ACP7: variants seen among roughly 807,000 people sequenced by gnomAD.
ACP7 encodes acid phosphatase type 7.
Under a neutral mutation model 60.6 loss-of-function variants are expected in ACP7, and 58 were observed. That is an observed-to-expected ratio of 0.96 (90% CI 0.77 to 1.19). The LOEUF (loss-of-function observed/expected upper bound fraction) is 1.19. Ranked by LOEUF, ACP7 falls within the 50% of genes most tolerant of loss-of-function variation. The pLI is 0.00. For synonymous variants in ACP7, 237 were observed against 232.6 expected (o/e 1.02, Z -0.17); for missense variants, 574 against 596.2 (o/e 0.96, Z 0.39).
At chr19:39,103,452 T>TTTTTGTTTG (rs1202136828) in intron 11 of ACP7, among the ~76,000 whole-genome samples, 26 of 147,486 alleles carry the variant, frequency 1.8e-4, no homozygotes, top group African/African-American at 6.3e-4. Context: ...TTTTTTTTTT[T>TTTTTGTTTG]TTTTTTTTTT....
At chr19:39,099,448 T>C (rs1046598406) in intron 4 of ACP7, among the ~76,000 whole-genome samples, 9 of 152,198 alleles carry the variant, frequency 5.9e-5, no homozygotes, top group African/African-American at 1.9e-4. Context: ...TTGTGATGAC[T>C]ACGTTAGTTC....
chr19:39,105,311 G>A (rs142860846), intron 11 of ACP7, among the ~76,000 whole-genome samples: 20 of 151,974 alleles, frequency 1.3e-4, no homozygotes, highest in African/African-American at 3.6e-4. Context: ...CACTGTGCCC[G>A]GCGTCTCTTT....
rs969239569 is a variant in ACP7, at chr19:39,110,744, CA to C, written c.*629del. ...CTTGCCTCCTAGCTAGGACAGATGACAAACCGCAAGAGCCACAGACTTGCCA... is the reference window on the plus strand; with the variant it reads ...CTTGCCTCCTAGCTAGGACAGATGACAACCGCAAGAGCCACAGACTTGCCA... On this transcript the variant is annotated 3_prime_UTR_variant, in exon 13 of 13. Transcript: ENST00000331256. The C allele has an allele frequency of 2.6e-5, 4 of 152,240 alleles. No homozygotes were observed. The highest frequency in any genetic ancestry group is 9.6e-5 in the African/African-American group (4 of 41,456). The allele number at this position is 152,240 out of a possible 1,614,324, so 9.4% of individuals were successfully genotyped here. A position where few individuals can be genotyped will look rare whatever the true frequency, so the allele number is the denominator to read the frequency against.
chr19:39,109,511 C>T (rs1347072083), intron 12 of ACP7, among the ~76,000 whole-genome samples: 2 of 151,762 alleles, frequency 1.3e-5, no homozygotes, highest in Non-Finnish European at 2.9e-5. Context: ...TCGAGACCAG[C>T]CTGGCCAACA....
chr19:39,090,666 G>A (rs2144971172), intron 2 of ACP7, among the ~76,000 whole-genome samples: 1 of 151,576 alleles, frequency 6.6e-6, no homozygotes, highest in African/African-American at 2.4e-5. Flanking sequence ...TATTTTTGTA[G>A]AGACAGAGTT....
chr19:39,091,755 C>T (rs969663631), intron 2 of ACP7, among the ~76,000 whole-genome samples: 8 of 151,418 alleles, frequency 5.3e-5, no homozygotes, highest in Admixed American at 3.3e-4. Context: ...ACCAAAACTA[C>T]AAAAAATTAG....
intron 11 of ACP7, among the ~76,000 whole-genome samples, chr19:39,103,120 G>A (rs1026715950): frequency 6.6e-6 from 1 of 152,108 alleles, no homozygotes; most frequent in African/African-American, 2.4e-5. Context: ...TTACAGACAA[G>A]AGCCACTGTG....
chr19:39,102,847 T>G (rs1215728681), intron 11 of ACP7, among the ~76,000 whole-genome samples: 2 of 150,336 alleles, frequency 1.3e-5, no homozygotes, highest in African/African-American at 4.9e-5. Flanking sequence ...CTTTCTTTCT[T>G]TTTTTTTGAG....
In ACP7 at chr19:39,085,154, C is replaced by A. The variant is rs977749795; in HGVS notation, c.-116C>A. 5.2e-6 allele frequency: 7 copies of A among 1,340,596 alleles called. No homozygotes were observed. Among genetic ancestry groups the A allele is most frequent in the Non-Finnish European group, 6.1e-6 (6 of 987,432 alleles). The allele number at this position is 1,340,596 out of a possible 1,614,324, so 83.0% of individuals were successfully genotyped here. ...GCCCTGCCTCTGTTGTCCCCCAGAG[C>A]ACTGCCTGATCATCCTCTGTTCCCC... On this transcript the variant is annotated 5_prime_UTR_variant, in exon 2 of 13. Coordinates refer to ENST00000331256, the MANE Select transcript of ACP7 (RefSeq NM_001004318.3).
rs34682645 is a variant in ACP7, at chr19:39,109,685, T to TAAA, written c.1252-346_1252-344dup. Among the ~76,000 whole-genome samples the TAAA allele has an allele frequency of 1.5e-3, 97 of 65,460 alleles. 2 individuals carry two copies. Among genetic ancestry groups the TAAA allele is most frequent in the South Asian group, 4.4e-3 (7 of 1,592 alleles). The allele number at this position is 65,460 out of a possible 152,430, so 42.9% of individuals were successfully genotyped here. On this transcript the variant is annotated intron_variant, in intron 12 of 12. Transcript: ENST00000331256. ...CTGGGTGACAGAGCAAGACTCTGTC[T>TAAA]AAAAAAAAAAAAAAAAAAAAAAAAG...
chr19:39,101,280 T>C lies in ACP7; in HGVS notation c.974-8T>C. On this transcript the variant is annotated splice_region_variant and splice_polypyrimidine_tract_variant and intron_variant, in intron 9 of 12. Coordinates refer to ENST00000331256, the MANE Select transcript of ACP7 (RefSeq NM_001004318.3). The stretch of plus-strand genomic sequence containing the variant: ...TCAGAGGTCTGATCCCCGCTTGCTC[T>C]ATCTCAGGAGTGGATCTGCAGCTGT... 1.2e-6 allele frequency: 2 copies of C among 1,614,220 alleles called. No individual in the cohort carries two copies. The highest frequency in any genetic ancestry group is 2.7e-5 in the African/African-American group (2 of 75,066).
chr19:39,090,507 G>C (rs1000385173), intron 2 of ACP7, among the ~76,000 whole-genome samples: 1 of 151,784 alleles, frequency 6.6e-6, no homozygotes, highest in Non-Finnish European at 1.5e-5. Context: ...TTTTGAGACA[G>C]AGTCTTGCTC....
At position 39,099,116 on chromosome 19, in the gene ACP7, G is replaced by T; in HGVS notation, c.479G>T (p.Gly160Val). ...VPRLRRDTQQ[G>V]MYDAVLHVGD... is the part of the protein sequence containing the mutation. ...CGGCTGCGCAGGGACACCCAGCAGG[G>T]CATGTATGACGCCGTTCTCCATGTG... The change falls in exon 4 of 13, where the codon GGC (glycine) becomes GTC (valine). Residue 160 changes from glycine (G) to valine (V), a missense_variant. By Grantham distance (109) the Gly-to-Val change is moderately radical (BLOSUM62 -3). Transcript: ENST00000331256. 1 of 1,577,068 alleles carries T rather than the reference G, an allele frequency of 6.3e-7. No homozygotes were observed.
intron 2 of ACP7, among the ~76,000 whole-genome samples, chr19:39,087,438 CAT>C (rs2073155113): frequency 6.6e-6 from 1 of 152,032 alleles, no homozygotes; most frequent in Non-Finnish European, 1.5e-5. Flanking sequence ...CTTGCACAGA[CAT>C]GTGGTTGAAA....
intron 2 of ACP7, among the ~76,000 whole-genome samples, chr19:39,090,725 A>C (rs111358324): frequency 1.3e-4 from 19 of 144,612 alleles, no homozygotes; most frequent in African/African-American, 4.6e-4. Context: ...CAAGCAATCC[A>C]CCTGCCTCAG....
At chr19:39,097,359 C>G (rs774916) in intron 2 of ACP7, among the ~76,000 whole-genome samples, 7 of 148,778 alleles carry the variant, frequency 4.7e-5, no homozygotes, top group African/African-American at 1.7e-4. Context: ...GCCGAGAATG[C>G]GCCATTGCAC....
chr19:39,095,729 T>C (rs2073257939), intron 2 of ACP7, among the ~76,000 whole-genome samples: 1 of 152,208 alleles, frequency 6.6e-6, no homozygotes, highest in Non-Finnish European at 1.5e-5. Context: ...CTAGCAGAGG[T>C]TCTCCATGAG....
intron 11 of ACP7, among the ~76,000 whole-genome samples, chr19:39,102,485 C>T (rs1316226137): frequency 1.3e-5 from 2 of 151,554 alleles, no homozygotes; most frequent in African/African-American, 4.8e-5. Flanking sequence ...AAGAGATTTC[C>T]GGCTAATTTT....
chr19:39,099,218 GGC>G, intron 4 of ACP7, 76 bp downstream of exon 4: 1 of 1,382,106 alleles, frequency 7.2e-7, no homozygotes, highest in Non-Finnish European at 9.3e-7. Flanking sequence ...GCGGGTCGGG[GGC>G]GCGCGGGTCG....
Sources: gnomAD v4.1 joint callset for allele counts (sites outside exome capture counted in the v4.1 genomes callset) on GRCh38, gnomAD v4.1.1 for gene constraint, MANE v1.5 for transcripts, NCBI Gene and HGNC (gene_info 2026-07-23, HGNC 2026-07-21) for gene names.